The following AQP9 variants were observed in gnomAD, a reference collection of about 807,000 sequenced individuals.
The protein encoded by AQP9 is aquaporin 9.
In AQP9, 19 loss-of-function variants were observed where a neutral mutation model predicts 23.8. That is an observed-to-expected ratio of 0.80 (90% CI 0.56 to 1.17). The LOEUF (loss-of-function observed/expected upper bound fraction) is 1.17. Ranked by LOEUF, AQP9 falls within the 50% of genes most tolerant of loss-of-function variation. The pLI, the probability that AQP9 is intolerant of heterozygous loss-of-function variation, is 0.00. For missense variants in AQP9, 413 were observed against 362.0 expected, an observed-to-expected ratio of 1.14 and a Z score of -1.14; for synonymous variants, 153 against 131.5, an observed-to-expected ratio of 1.16 and a Z score of -1.12.
chr15:58,169,281 G>T (rs1898571524), intron 2 of AQP9, among the ~76,000 whole-genome samples: 1 of 152,194 alleles, frequency 6.6e-6, no homozygotes, highest in Non-Finnish European at 1.5e-5. Context: ...TACAAACAGA[G>T]TGGTGTCTGA....
intron 1 of AQP9, among the ~76,000 whole-genome samples, chr15:58,163,737 G>T (rs1335609209): frequency 6.6e-6 from 1 of 152,078 alleles, no homozygotes; most frequent in Non-Finnish European, 1.5e-5. Context: ...AGGGAATCAC[G>T]ATGGAACTTT....
At chr15:58,158,947 T>C (rs1898317659) in intron 1 of AQP9, among the ~76,000 whole-genome samples, 1 of 152,192 alleles carries the variant, frequency 6.6e-6, no homozygotes, top group Non-Finnish European at 1.5e-5. Flanking sequence ...AGTTCTTACA[T>C]ACTCACCGAA....
chr15:58,166,972 CTTA>C (rs1186248621), intron 2 of AQP9, among the ~76,000 whole-genome samples, 173 bp downstream of exon 2: 1 of 152,234 alleles, frequency 6.6e-6, no homozygotes, highest in African/African-American at 2.4e-5. Flanking sequence ...TGGTAAGTAA[CTTA>C]TTATGCAAAG....
At chr15:58,183,852 T>C in intron 5 of AQP9, 109 bp from the exon 6 acceptor site, 2 of 1,301,800 alleles carry the variant, frequency 1.5e-6, no homozygotes, top group Non-Finnish European at 2.2e-6. Context: ...CTTGCTGAGT[T>C]AAGAGGGAAC....
intron 5 of AQP9, 74 bp from the exon 6 acceptor site, chr15:58,183,887 G>C: frequency 6.8e-7 from 1 of 1,476,678 alleles, no homozygotes; most frequent in South Asian, 1.2e-5. Context: ...AGACTAACAA[G>C]TGAGTGAAAA....
intron 1 of AQP9, among the ~76,000 whole-genome samples, chr15:58,141,056 G>C (rs1897941696): frequency 6.6e-6 from 1 of 152,300 alleles, no homozygotes; most frequent in South Asian, 2.1e-4. Context: ...AAGCCAAAAA[G>C]CTAGCTCTAA....
chr15:58,145,372 G>A (rs1001206281), intron 1 of AQP9, among the ~76,000 whole-genome samples: 1 of 150,404 alleles, frequency 6.6e-6, no homozygotes, highest in African/African-American at 2.4e-5. Context: ...GCATGGTGGT[G>A]TGCACCTGTA....
chr15:58,176,292 C>T (rs1186287568), intron 4 of AQP9, among the ~76,000 whole-genome samples: 3 of 152,054 alleles, frequency 2.0e-5, no homozygotes, highest in Admixed American at 6.6e-5. Context: ...CCAAGGTGGA[C>T]AGGTCACTTG....
chr15:58,143,237 T>C (rs763085594), intron 1 of AQP9, among the ~76,000 whole-genome samples: 2 of 152,220 alleles, frequency 1.3e-5, no homozygotes, highest in Admixed American at 6.5e-5. Context: ...AATCTGAACA[T>C]GCAGAAGTGC....
At position 58,176,191 on chromosome 15, in the gene AQP9, G is replaced by A. The variant is rs116683907; in HGVS notation, c.495+1155G>A. ...CCCAGAAATTTTGAATCTAGTTGAAGAGCATTGAACAAGGAAACAATGCAA... is the reference window on the plus strand; with the variant it reads ...CCCAGAAATTTTGAATCTAGTTGAAAAGCATTGAACAAGGAAACAATGCAA... On this transcript the variant is annotated intron_variant, in intron 4 of 5. Transcript: ENST00000219919. Among the ~76,000 whole-genome samples the A allele has an allele frequency of 8.2e-3, 1,250 of 152,184 alleles. 16 individuals carry two copies. The highest frequency in any genetic ancestry group is 0.027 in the African/African-American group (1,115 of 41,524).
chr15:58,163,631 T>C (rs1253840495), intron 1 of AQP9, among the ~76,000 whole-genome samples: 1 of 152,102 alleles, frequency 6.6e-6, no homozygotes, highest in Non-Finnish European at 1.5e-5. Flanking sequence ...GCTTTCTAGA[T>C]AGGGAGACCA....
intron 1 of AQP9, among the ~76,000 whole-genome samples, chr15:58,147,736 T>C (rs55913232): frequency 0.091 from 13,865 of 152,138 alleles, 764 homozygotes; most frequent in East Asian, 0.21. Context: ...CAACAGGTGA[T>C]TGGTTAAAAA....
intron 2 of AQP9, among the ~76,000 whole-genome samples, chr15:58,169,667 G>C (rs116985409): frequency 8.5e-5 from 13 of 152,306 alleles, no homozygotes; most frequent in East Asian, 1.9e-4. Context: ...GAGGTCAGCA[G>C]ATATTTGTCT....
Position 58,173,210 on chromosome 15 carries a change from G to T in AQP9, c.376+5G>T. ...CCGTCTTTGGCATTTACTATGGTGA[G>T]TAAAGTCCCTGAGTCCTAAGGTTAG... On this transcript the variant is annotated splice_donor_5th_base_variant and intron_variant, in intron 3 of 5. Transcript: ENST00000219919. 6.2e-7 allele frequency: 1 copy of T among 1,614,108 alleles called. No individual in the cohort carries two copies. Among genetic ancestry groups the T allele is most frequent in the Non-Finnish European group, 8.5e-7 (1 of 1,180,002 alleles).
chr15:58,144,751 C>T (rs1272441477), intron 1 of AQP9, among the ~76,000 whole-genome samples: 1 of 152,130 alleles, frequency 6.6e-6, no homozygotes, highest in Non-Finnish European at 1.5e-5. Flanking sequence ...CGCGGTGGCT[C>T]ATGCCTGTAA....
chr15:58,160,675 T>C (rs1245378972), intron 1 of AQP9, among the ~76,000 whole-genome samples: 1 of 151,644 alleles, frequency 6.6e-6, no homozygotes, highest in African/African-American at 2.4e-5. Flanking sequence ...TTATAGTTTT[T>C]GGGGGTGGGG....
intron 1 of AQP9, among the ~76,000 whole-genome samples, chr15:58,159,076 C>G (rs1421677835): frequency 2.0e-5 from 3 of 152,140 alleles, no homozygotes; most frequent in African/African-American, 7.2e-5. Flanking sequence ...GCAATAAAAC[C>G]TGTGGGCTGA....
At chr15:58,156,533 G>A (rs143609747) in intron 1 of AQP9, among the ~76,000 whole-genome samples, 5 of 152,156 alleles carry the variant, frequency 3.3e-5, no homozygotes, top group East Asian at 1.9e-4. Flanking sequence ...CGAACATAGC[G>A]CATTTCAGTC....
At chr15:58,175,179 T>G in intron 4 of AQP9, 143 bp downstream of exon 4, 1 of 807,136 alleles carries the variant, frequency 1.2e-6, no homozygotes, top group Non-Finnish European at 2.0e-6. Context: ...CCAAGCTTTC[T>G]TGATAATCGT....
Sources: gnomAD v4.1 joint callset for allele counts (sites outside exome capture counted in the v4.1 genomes callset) on GRCh38, gnomAD v4.1.1 for gene constraint, MANE v1.5 for transcripts, NCBI Gene and HGNC (gene_info 2026-07-23, HGNC 2026-07-21) for gene names.